The following GNG12 variants were observed in gnomAD, a reference collection of about 807,000 sequenced individuals.
GNG12 encodes guanine nucleotide-binding protein G(I)/G(S)/G(O) subunit gamma-12.
For missense variants in GNG12, 69 were observed against 83.8 expected (o/e 0.82, Z 0.69); for synonymous variants, 28 against 29.7 (o/e 0.94, Z 0.19).
At chr1:67,775,083 C>T (rs998026471) in intron 2 of GNG12, among the ~76,000 whole-genome samples, 3 of 152,226 alleles carry the variant, frequency 2.0e-5, no homozygotes, top group Non-Finnish European at 4.4e-5. Flanking sequence ...ACCTCTACCA[C>T]GCAGGCTACT....
rs536355037 is a variant in GNG12, at chr1:67,714,696, G to A, written c.-26-6984C>T. Among the ~76,000 whole-genome samples the A allele has an allele frequency of 4.3e-4, 66 of 152,258 alleles. 2 individuals are homozygous for A. The South Asian group carries it at 0.013, about 30-fold the overall frequency. On this transcript the variant is annotated intron_variant, in intron 2 of 3. Transcript: ENST00000370982. ...AAAGTGGAAAACTACATCTTCCAGT[G>A]GGATGGGCTGAATTGTGTCCCCCAA... is the stretch of plus-strand genomic sequence containing the variant.
rs535979716 is a variant in GNG12 at position 67,784,413 on chromosome 1, A to T, written c.-76-6906T>A. On this transcript the variant is annotated intron_variant, in intron 1 of 3. Transcript: ENST00000370982. ...GCGCACCAGCATGGCACATGTATAC[A>T]TATGTAACTAACCTGCACAATGTGC... is the stretch of plus-strand genomic sequence containing the variant. Among the ~76,000 whole-genome samples, 209 of 151,522 alleles carry T rather than the reference A, an allele frequency of 1.4e-3. 1 individual carries two copies. The highest frequency in any genetic ancestry group is 2.5e-3 in the Non-Finnish European group (168 of 67,818).
At chr1:67,731,155 G>A (rs1355085288) in intron 2 of GNG12, among the ~76,000 whole-genome samples, 2 of 151,298 alleles carry the variant, frequency 1.3e-5, no homozygotes, top group Non-Finnish European at 2.9e-5. Flanking sequence ...TCCCCCTCTT[G>A]AGATTCTACC....
intron 1 of GNG12, among the ~76,000 whole-genome samples, chr1:67,830,434 C>G (rs1413659265): frequency 6.6e-6 from 1 of 152,200 alleles, no homozygotes; most frequent in African/African-American, 2.4e-5. Context: ...TCACAATCAG[C>G]CTAACACTTC....
intron 2 of GNG12, among the ~76,000 whole-genome samples, chr1:67,772,965 A>G (rs1646683550): frequency 6.6e-6 from 1 of 152,250 alleles, no homozygotes; most frequent in African/African-American, 2.4e-5. Flanking sequence ...AGAGCTAAGC[A>G]AAGTCAAGAC....
intron 2 of GNG12, among the ~76,000 whole-genome samples, chr1:67,748,152 C>G (rs1646517354): frequency 6.6e-6 from 1 of 152,126 alleles, no homozygotes; most frequent in African/African-American, 2.4e-5. Context: ...AAGAACTTTC[C>G]TTTTTGTGGG....
chr1:67,747,358 G>T (rs1646513354), intron 2 of GNG12, among the ~76,000 whole-genome samples: 2 of 152,166 alleles, frequency 1.3e-5, no homozygotes, highest in Admixed American at 1.3e-4. Context: ...GACCTCAAGT[G>T]ATCTGCCCGC....
At chr1:67,797,740 A>T (rs1388783665) in intron 1 of GNG12, among the ~76,000 whole-genome samples, 1 of 152,198 alleles carries the variant, frequency 6.6e-6, no homozygotes, top group Non-Finnish European at 1.5e-5. Flanking sequence ...AAAAATAACC[A>T]TCAGTCCAAT....
intron 2 of GNG12, among the ~76,000 whole-genome samples, chr1:67,738,224 C>T (rs1370464582): frequency 6.6e-6 from 1 of 152,130 alleles, no homozygotes; most frequent in Non-Finnish European, 1.5e-5. Context: ...GTGCCCAGCC[C>T]TATTAGCAAA....
intron 2 of GNG12, among the ~76,000 whole-genome samples, chr1:67,721,332 G>C (rs770555508): frequency 3.0e-4 from 45 of 152,178 alleles, no homozygotes; most frequent in Non-Finnish European, 1.3e-4. Flanking sequence ...TACAGCTATG[G>C]TTCTAAACGC....
intron 2 of GNG12, among the ~76,000 whole-genome samples, chr1:67,734,870 T>C (rs1646443004): frequency 6.6e-6 from 1 of 152,216 alleles, no homozygotes. Flanking sequence ...ATTTTCTTTT[T>C]TGAGACAGCG....
intron 1 of GNG12, among the ~76,000 whole-genome samples, chr1:67,779,329 G>A (rs1646724229): frequency 6.6e-6 from 1 of 152,142 alleles, no homozygotes; most frequent in South Asian, 2.1e-4. Flanking sequence ...CAGTGACACC[G>A]TAGGGCTGAG....
chr1:67,746,390 T>C (rs1041075120), intron 2 of GNG12, among the ~76,000 whole-genome samples: 2 of 152,224 alleles, frequency 1.3e-5, no homozygotes, highest in Non-Finnish European at 2.9e-5. Flanking sequence ...AGCACTTAAA[T>C]TCACCAGAAT....
intron 2 of GNG12, among the ~76,000 whole-genome samples, chr1:67,749,729 G>C (rs1162995582): frequency 6.6e-6 from 1 of 152,144 alleles, no homozygotes; most frequent in Non-Finnish European, 1.5e-5. Context: ...ATCTCCACAG[G>C]CTATCGGCAT....
chr1:67,753,434 T>C (rs1341576099), intron 2 of GNG12, among the ~76,000 whole-genome samples: 1 of 151,764 alleles, frequency 6.6e-6, no homozygotes, highest in East Asian at 1.9e-4. Context: ...ACTTGCTGAG[T>C]TTCAATTCAT....
chr1:67,708,628 A>G (rs2100669065), intron 2 of GNG12, among the ~76,000 whole-genome samples: 1 of 152,300 alleles, frequency 6.6e-6, no homozygotes, highest in Non-Finnish European at 1.5e-5. Flanking sequence ...CCAATAGCAC[A>G]TTTCAAGAGG....
intron 2 of GNG12, among the ~76,000 whole-genome samples, chr1:67,730,857 C>T (rs1646414886): frequency 6.6e-6 from 1 of 152,156 alleles, no homozygotes; most frequent in South Asian, 2.1e-4. Context: ...TCTATTGTTT[C>T]AGAGTACTTT....
chr1:67,760,789 AAGG>A (rs773529699), intron 2 of GNG12, among the ~76,000 whole-genome samples: 5 of 152,226 alleles, frequency 3.3e-5, no homozygotes, highest in Non-Finnish European at 7.3e-5. Flanking sequence ...GACAGTAAGC[AAGG>A]AGGACACGTC....
At chr1:67,758,533 A>T (rs1646583433) in intron 2 of GNG12, among the ~76,000 whole-genome samples, 1 of 152,226 alleles carries the variant, frequency 6.6e-6, no homozygotes, top group South Asian at 2.1e-4. Flanking sequence ...CATGCTGGAC[A>T]GGGGCTGAGT....
Sources: allele counts gnomAD v4.1 joint callset (sites outside exome capture counted in the v4.1 genomes callset), GRCh38; gene constraint gnomAD v4.1.1; transcripts MANE v1.5; gene names NCBI Gene and HGNC (gene_info 2026-07-23, HGNC 2026-07-21).